Variants in IDH3G observed in about 807,000 individuals in gnomAD.
IDH3G encodes isocitrate dehydrogenase [NAD] subunit gamma, mitochondrial.
A neutral mutation model predicts 26.9 loss-of-function variants in IDH3G; 9 were observed. The ratio of observed to expected loss-of-function variants is 0.34; its 90% CI spans 0.20 to 0.58. IDH3G has a LOEUF of 0.58. Ranked by LOEUF, IDH3G falls within the 20% of genes least tolerant of loss-of-function variation. The probability of loss-of-function intolerance (pLI) is 0.85; values close to 1 mark genes in which losing one functional copy is unlikely to be tolerated. For missense variants in IDH3G, 250 were observed against 372.8 expected, an observed-to-expected ratio of 0.67 and a Z score of 2.71; for synonymous variants, 181 against 160.0, an observed-to-expected ratio of 1.13 and a Z score of -0.99.
Position 153,794,268 on chromosome X carries a change from G to A in IDH3G, c.59C>T (p.Ala20Val). Residue 20 changes from alanine to valine, a missense_variant, in exon 1 of 13, where the codon GCC (alanine) becomes GTC (valine). Physicochemically the swap from Ala to Val is moderately conservative, Grantham distance 64. Transcript: ENST00000217901. ...GSAAKAVLGP[A>V]LLCRPWEVLG... Reference sequence around the variant, plus strand: ...CACCTCCCAGGGACGGCAGAGAAGGGCTGGCCCGAGCACCGCCTTCGCGGC... The same window carrying A: ...CACCTCCCAGGGACGGCAGAGAAGGACTGGCCCGAGCACCGCCTTCGCGGC... 3 of 1,200,460 alleles carry A rather than the reference G, an allele frequency of 2.5e-6. No homozygotes were observed. The highest frequency in any genetic ancestry group is 3.4e-6 in the Non-Finnish European group (3 of 890,967).
intron 1 of IDH3G, among the ~76,000 whole-genome samples, chrX:153,792,536 C>T (rs1352560889): frequency 3.6e-5 from 4 of 112,491 alleles, no homozygotes; most frequent in Middle Eastern, 4.6e-3. Context: ...AGGCTGGTGT[C>T]CCTGGGAGGT....
chrX:153,794,208 G>T, intron 1 of IDH3G, 38 bp downstream of exon 1: 1 of 1,152,203 alleles, frequency 8.7e-7, no homozygotes, highest in Non-Finnish European at 1.2e-6. Context: ...GCTCCCCTGC[G>T]ACCGCTGCCG....
At chrX:153,793,968 G>T in intron 1 of IDH3G, 1 of 275,002 alleles carries the variant, frequency 3.6e-6, no homozygotes, top group Non-Finnish European at 6.5e-6. Context: ...GCTCCTTCAA[G>T]GACACTAAGG....
Position 153,790,589 on chromosome X carries a change from G to C in IDH3G, c.124-14C>G, listed in dbSNP as rs782115500. ...AATTGTTTGTTCCTAGAAAGGATGA[G>C]AAAGGAAGAAGACACAATCAGCCAA... On this transcript the variant is annotated splice_polypyrimidine_tract_variant and intron_variant, in intron 2 of 12. Transcript: ENST00000217901. The C allele has an allele frequency of 8.3e-7, 1 of 1,207,063 alleles. No individual in the cohort carries two copies. The highest frequency in any genetic ancestry group is 1.1e-6 in the Non-Finnish European group (1 of 891,360).
rs1012520220 is a variant in IDH3G, at chrX:153,787,815, A to T, written c.540+8T>A. On this transcript the variant is annotated splice_region_variant and intron_variant, in intron 7 of 12. Transcript: ENST00000217901. ...TGGGGGGGCTCATCTCGGGCCCCCC[A>T]TGCACACCTCATGCTCCAGGCTGCT... is the stretch of plus-strand genomic sequence containing the variant. 8.3e-7 allele frequency: 1 copy of T among 1,203,359 alleles called. No individual in the cohort carries two copies. Among genetic ancestry groups the T allele is most frequent in the Non-Finnish European group, 1.1e-6 (1 of 889,732 alleles).
chrX:153,791,555 G>A (rs1557070535), intron 1 of IDH3G, among the ~76,000 whole-genome samples: 1 of 112,770 alleles, frequency 8.9e-6, no homozygotes, highest in Non-Finnish European at 1.9e-5. Context: ...CAGCTTCAGA[G>A]CCAAAGCTGC....
At position 153,790,301 on chromosome X, in the gene IDH3G, G is replaced by C; in HGVS notation, c.136-9C>G. On this transcript the variant is annotated splice_polypyrimidine_tract_variant and intron_variant, in intron 3 of 12. Transcript: ENST00000217901. ...TACTTAGCGGACGGAGGCTGTGGGA[G>C]GCAGAGGGTGAAGGTGGGCCTTCGG... is the stretch of plus-strand genomic sequence containing the variant. The C allele has an allele frequency of 8.4e-7, 1 of 1,195,372 alleles. No homozygotes were observed. The highest frequency in any genetic ancestry group is 1.1e-6 in the Non-Finnish European group (1 of 880,297).
rs1557069369 is a variant in IDH3G, at chrX:153,787,092, T to G, written c.736A>C (p.Ile246Leu). 23 of 1,209,639 alleles carry G rather than the reference T, an allele frequency of 1.9e-5. No homozygotes were observed. The highest frequency in any genetic ancestry group is 2.6e-5 in the Non-Finnish European group (23 of 894,449). ...CREVAARYPQ[I>L]TFENMIVDNT... is the part of the protein sequence containing the mutation. ...TCCACAATCATGTTCTCGAAGGTGA[T>G]CTGAGGGTAGCGGGCTGCCACCTCC... is the stretch of plus-strand genomic sequence containing the variant. Residue 246 changes from isoleucine (I) to leucine (L), a missense_variant, in exon 9 of 13, where the codon ATC becomes CTC. This residue lies in a region of IDH3G where 201 missense variants were observed against 331.3 expected (regional missense o/e 0.61). Coordinates refer to ENST00000217901, the MANE Select transcript of IDH3G (RefSeq NM_004135.4).
intron 10 of IDH3G, 152 bp from the exon 11 acceptor site, chrX:153,786,601 G>A: frequency 1.6e-6 from 1 of 607,743 alleles, no homozygotes. Flanking sequence ...GGGACAGATA[G>A]CTTATGGGGA....
chrX:153,793,795 G>A (rs1557071094), intron 1 of IDH3G: 1 of 112,986 alleles, frequency 8.9e-6, no homozygotes, highest in East Asian at 2.8e-4. Flanking sequence ...AAGACTGGGG[G>A]ACTATGGGGG....
At chrX:153,788,944 G>A (rs1233962805) in intron 5 of IDH3G, among the ~76,000 whole-genome samples, 9 of 112,637 alleles carry the variant, frequency 8.0e-5, no homozygotes, top group Non-Finnish European at 1.1e-4. Context: ...CAGCCGAGGA[G>A]CCAGGCAGAG....
chrX:153,793,761 C>CG (rs2092120007), intron 1 of IDH3G: 1 of 112,120 alleles, frequency 8.9e-6, no homozygotes, highest in African/African-American at 3.3e-5. Context: ...CCAGGCGCCT[C>CG]GAGGGGAAGG....
In IDH3G at chrX:153,794,157, C is replaced by G. The variant is rs2092122580; in HGVS notation, c.81+89G>C. On this transcript the variant is annotated intron_variant, in intron 1 of 12. Coordinates refer to ENST00000217901, the MANE Select transcript of IDH3G (RefSeq NM_004135.4). ...TCCCCGCCCCTGGTGGGGCCCCTAG[C>G]CAATCGGACTCCAGACTGCTTCGGG... 35 of 1,012,990 alleles carry G rather than the reference C, an allele frequency of 3.5e-5. 2 individuals are homozygous for G. In the South Asian group the frequency reaches 5.8e-4, roughly 17 times the overall value. The allele number at this position is 1,012,990 out of a possible 1,213,427, so 83.5% of individuals were successfully genotyped here.
chrX:153,789,600 GGAAAGCAA>G, intron 5 of IDH3G, 104 bp downstream of exon 5: 1 of 507,577 alleles, frequency 2.0e-6, no homozygotes, highest in Non-Finnish European at 3.4e-6. Flanking sequence ...CAAGAAAGCA[GGAAAGCAA>G]GCAAGAAAGC....
rs2092088149 is a variant in IDH3G at position 153,786,417 on chromosome X, A to G, written c.957T>C (p.Asn319=). 8.3e-7 allele frequency: 1 copy of G among 1,200,638 alleles called. No individual in the cohort carries two copies. Among genetic ancestry groups the G allele is most frequent in the South Asian group, 1.8e-5 (1 of 55,550 alleles). The change falls in exon 11 of 13, where the codon AAT becomes AAC. Residue 319 remains asparagine, a synonymous_variant. Coordinates refer to ENST00000217901, the MANE Select transcript of IDH3G (RefSeq NM_004135.4). ...ATRNTGKSIA[N]KNIANPTATL... ...TGGCCGTGGGGTTGGCGATGTTCTT[A>G]TTGGCGATACTCTTGCCGGTGTTCC...
intron 5 of IDH3G, chrX:153,789,310 C>T (rs2092100430): frequency 3.3e-6 from 1 of 299,772 alleles, no homozygotes; most frequent in African/African-American, 2.7e-5. Flanking sequence ...CTTTGAGAGG[C>T]TGAGGCGGGC....
chrX:153,786,106 G>C lies in IDH3G; in HGVS notation c.1080+106C>G, dbSNP rs200844897. 28 of 1,195,806 alleles carry C rather than the reference G, an allele frequency of 2.3e-5. No individual in the cohort carries two copies. In the African/African-American group the frequency reaches 4.5e-4, roughly 19 times the overall value. Reference sequence around the variant, plus strand: ...GGGCCAGAAGATGGGGCCAGATCCAGTACCATCCTCCCCTGGGGGCTGTGG... The same window carrying C: ...GGGCCAGAAGATGGGGCCAGATCCACTACCATCCTCCCCTGGGGGCTGTGG... On this transcript the variant is annotated intron_variant, in intron 12 of 12. Coordinates refer to ENST00000217901, the MANE Select transcript of IDH3G (RefSeq NM_004135.4).
rs1017955822 is a variant in IDH3G, at chrX:153,794,073, T to A, written c.81+173A>T. ...CTGGGGGAGCCGGTCCAGGGCCAAC[T>A]TCGGCCAATCCCCTCAGTGACAGCG... On this transcript the variant is annotated intron_variant, in intron 1 of 12. Coordinates refer to ENST00000217901, the MANE Select transcript of IDH3G (RefSeq NM_004135.4). 6 of 529,780 alleles carry A rather than the reference T, an allele frequency of 1.1e-5. No homozygotes were observed. In the South Asian group the frequency reaches 2.1e-4, roughly 19 times the overall value. The allele number at this position is 529,780 out of a possible 1,213,427, so 43.7% of individuals were successfully genotyped here. A position where few individuals can be genotyped will look rare whatever the true frequency, so the allele number is the denominator to read the frequency against.
At position 153,789,951 on chromosome X, in the gene IDH3G, C is replaced by A. The variant is rs1455128428; in HGVS notation, c.234-127G>T. On this transcript the variant is annotated intron_variant, in intron 4 of 12. Coordinates refer to ENST00000217901, the MANE Select transcript of IDH3G (RefSeq NM_004135.4). ...TGGCTCTGACTGAGAAGGGACTGGG[C>A]CCACCTTCACTGACTGATGGGGACA... 2.8e-5 allele frequency: 14 copies of A among 500,820 alleles called. No individual in the cohort carries two copies. In the Middle Eastern group the frequency reaches 1.6e-3, roughly 59 times the overall value. The allele number at this position is 500,820 out of a possible 1,213,427, so 41.3% of individuals were successfully genotyped here.
Sources: allele counts gnomAD v4.1 joint callset (sites outside exome capture counted in the v4.1 genomes callset), GRCh38; gene constraint gnomAD v4.1.1; regional missense constraint gnomAD v4.1.1; transcripts MANE v1.5; gene names NCBI Gene and HGNC (gene_info 2026-07-23, HGNC 2026-07-21).